The following SDCCAG8 variants were observed in gnomAD, a reference collection of about 807,000 sequenced individuals.
SDCCAG8 encodes the protein SHH signaling and ciliogenesis regulator SDCCAG8.
SDCCAG8 carries 74 observed loss-of-function variants against 101.8 expected under a neutral mutation model. The ratio of observed to expected loss-of-function variants is 0.73; its 90% CI spans 0.60 to 0.88. The LOEUF (loss-of-function observed/expected upper bound fraction) is 0.88, where lower values mean the gene tolerates loss of function less well. SDCCAG8 is among the 40% of genes least tolerant of loss of function. SDCCAG8 has a pLI of 0.00. For missense variants in SDCCAG8, 787 were observed against 822.6 expected, an observed-to-expected ratio of 0.96 and a Z score of 0.53; for synonymous variants, 281 against 292.9, an observed-to-expected ratio of 0.96 and a Z score of 0.41.
chr1:243,310,899 C>CA (rs1204968521), intron 8 of SDCCAG8, among the ~76,000 whole-genome samples: 30 of 152,308 alleles, frequency 2.0e-4, no homozygotes, highest in African/African-American at 7.2e-4. Context: ...AATTAAAGAA[C>CA]AACCCGTCAG....
intron 1 of SDCCAG8, among the ~76,000 whole-genome samples, chr1:243,264,042 C>T (rs1466372376): frequency 6.6e-6 from 1 of 152,172 alleles, no homozygotes; most frequent in Non-Finnish European, 1.5e-5. Flanking sequence ...CATCTCATAT[C>T]TCGGCCTCGG....
intron 16 of SDCCAG8, among the ~76,000 whole-genome samples, chr1:243,429,764 C>G (rs143216278): frequency 0.024 from 3,494 of 143,454 alleles, 76 homozygotes; most frequent in Non-Finnish European, 0.041. Flanking sequence ...TGCAGTAGCG[C>G]GATCTCGGCT....
At chr1:243,345,416 CTT>C (rs2075644940) in intron 12 of SDCCAG8, among the ~76,000 whole-genome samples, 2 of 152,226 alleles carry the variant, frequency 1.3e-5, no homozygotes, top group African/African-American at 2.4e-5. Context: ...TTTCAGAAGA[CTT>C]TTAATTATTA....
At chr1:243,436,167 C>CTT (rs113227267) in intron 16 of SDCCAG8, among the ~76,000 whole-genome samples, 29 of 136,634 alleles carry the variant, frequency 2.1e-4, no homozygotes, top group South Asian at 1.6e-3. Context: ...TGTTTATCAA[C>CTT]TTTTTTTTTT....
chr1:243,345,346 C>T (rs2075640151), intron 12 of SDCCAG8, among the ~76,000 whole-genome samples: 1 of 152,142 alleles, frequency 6.6e-6, no homozygotes, highest in South Asian at 2.1e-4. Context: ...AAAATCCTGG[C>T]AACCAAAGTA....
intron 3 of SDCCAG8, among the ~76,000 whole-genome samples, chr1:243,272,611 A>G (rs1394884452): frequency 2.0e-5 from 3 of 152,214 alleles, no homozygotes; most frequent in African/African-American, 7.2e-5. Context: ...CAGTGATATT[A>G]TGGAGCTTAC....
chr1:243,360,295 G>A lies in SDCCAG8; in HGVS notation c.1473+15964G>A, dbSNP rs193121749. Among the ~76,000 whole-genome samples the A allele has an allele frequency of 1.4e-3, 211 of 151,794 alleles. 1 individual carries two copies. The highest frequency in any genetic ancestry group is 4.9e-3 in the African/African-American group (205 of 41,422). On this transcript the variant is annotated intron_variant, in intron 12 of 17. Coordinates refer to ENST00000366541, the MANE Select transcript of SDCCAG8 (RefSeq NM_006642.5). ...CTAGTATCTGGGACTACAGGCACCC[G>A]CCACTATGCCTGGCTAATTTTTTTT...
At chr1:243,292,017 A>C (rs2070317039) in intron 5 of SDCCAG8, among the ~76,000 whole-genome samples, 1 of 152,188 alleles carries the variant, frequency 6.6e-6, no homozygotes, top group Non-Finnish European at 1.5e-5. Context: ...AAAGGATATA[A>C]ATGAACAGCC....
intron 16 of SDCCAG8, among the ~76,000 whole-genome samples, chr1:243,439,905 G>A (rs2082415212): frequency 6.6e-6 from 1 of 152,198 alleles, no homozygotes; most frequent in Non-Finnish European, 1.5e-5. Flanking sequence ...TTACATCTAA[G>A]TCAAATTCTC....
chr1:243,312,674 T>C (rs4658392), intron 8 of SDCCAG8, among the ~76,000 whole-genome samples: 124,793 of 149,750 alleles, frequency 0.83, 52,152 homozygotes, highest in East Asian at 0.93. Flanking sequence ...CCACTGCACT[T>C]CAGCCTGGGC....
chr1:243,318,213 T>C (rs1389563653), intron 9 of SDCCAG8, among the ~76,000 whole-genome samples: 1 of 152,222 alleles, frequency 6.6e-6, no homozygotes, highest in African/African-American at 2.4e-5. Flanking sequence ...GGAACATGCA[T>C]GGAGCCGGAG....
chr1:243,409,403 T>TATTC (rs1363118640), intron 13 of SDCCAG8, among the ~76,000 whole-genome samples: 1 of 152,218 alleles, frequency 6.6e-6, no homozygotes, highest in African/African-American at 2.4e-5. Flanking sequence ...TTTATATTTA[T>TATTC]ATTCACATTT....
chr1:243,318,056 C>T (rs772740771), intron 9 of SDCCAG8: 102 of 456,530 alleles, frequency 2.2e-4, no homozygotes, highest in African/African-American at 1.8e-3. Context: ...CAATAGCAAA[C>T]GTAAACGATG....
At chr1:243,294,122 C>T (rs1350543769) in intron 6 of SDCCAG8, among the ~76,000 whole-genome samples, 5 of 152,090 alleles carry the variant, frequency 3.3e-5, no homozygotes, top group South Asian at 4.1e-4. Context: ...TGTGGTTTCT[C>T]GAGCGTAGTT....
intron 16 of SDCCAG8, among the ~76,000 whole-genome samples, chr1:243,440,946 A>G (rs1215643994): frequency 6.6e-6 from 1 of 152,094 alleles, no homozygotes; most frequent in Non-Finnish European, 1.5e-5. Flanking sequence ...ATTCCTGGTG[A>G]TATTTTCTGG....
intron 16 of SDCCAG8, among the ~76,000 whole-genome samples, chr1:243,427,539 G>A (rs2081421274): frequency 6.6e-6 from 1 of 151,974 alleles, no homozygotes; most frequent in Non-Finnish European, 1.5e-5. Flanking sequence ...CGGTTCGCGT[G>A]GCCTCCAGCT....
chr1:243,369,797 C>A (rs772281966), intron 12 of SDCCAG8, among the ~76,000 whole-genome samples: 4 of 152,212 alleles, frequency 2.6e-5, no homozygotes, highest in Admixed American at 6.5e-5. Context: ...AACTTATTGT[C>A]AGACAATTTT....
At chr1:243,290,208 C>T (rs1045119086) in intron 5 of SDCCAG8, among the ~76,000 whole-genome samples, 21 of 132,754 alleles carry the variant, frequency 1.6e-4, no homozygotes, top group African/African-American at 2.7e-4. Context: ...CGCTCCCGCC[C>T]CCCGATCCCC....
chr1:243,280,983 G>A (rs1252961814), intron 4 of SDCCAG8, among the ~76,000 whole-genome samples: 4 of 151,994 alleles, frequency 2.6e-5, no homozygotes, highest in Non-Finnish European at 5.9e-5. Context: ...TTTTGACAGG[G>A]GATGTTGAAA....
Sources: gnomAD v4.1 joint callset for allele counts (sites outside exome capture counted in the v4.1 genomes callset) on GRCh38, gnomAD v4.1.1 for gene constraint, MANE v1.5 for transcripts, NCBI Gene and HGNC (gene_info 2026-07-23, HGNC 2026-07-21) for gene names.